TPP2: variants seen among roughly 807,000 people sequenced by gnomAD.
TPP2 encodes the protein tripeptidyl peptidase 2, also known as tripeptidyl-peptidase 2.
In TPP2, 34 loss-of-function variants were observed where a neutral mutation model predicts 155.9. The observed-to-expected ratio is 0.22, with a 90% CI of 0.17 to 0.29. The LOEUF (loss-of-function observed/expected upper bound fraction) is 0.29. Among genes scored for constraint, TPP2 ranks in the 10% least tolerant of loss-of-function variants. The pLI, the probability that TPP2 is intolerant of heterozygous loss-of-function variation, is 1.00. For synonymous variants in TPP2, 510 were observed against 529.4 expected, an observed-to-expected ratio of 0.96 and a Z score of 0.50; for missense variants, 1,028 against 1,522.3, an observed-to-expected ratio of 0.68 and a Z score of 5.40.
intron 24 of TPP2, chr13:102,654,958 A>G (rs753972226): frequency 8.0e-6 from 4 of 503,012 alleles, no homozygotes; most frequent in Admixed American, 2.0e-5. Context: ...GTCCTGAAAG[A>G]GCTAGCCCAA....
chr13:102,664,955 ATC>A, intron 27 of TPP2, 30 bp downstream of exon 27: 1 of 1,606,310 alleles, frequency 6.2e-7, no homozygotes, highest in Admixed American at 1.7e-5. Context: ...TCTTTCTTGC[ATC>A]TCATTTCCTA....
chr13:102,618,814 C>T lies in TPP2; in HGVS notation c.588C>T (p.Asp196=). 1.2e-6 allele frequency: 2 copies of T among 1,613,316 alleles called. No individual in the cohort carries two copies. The highest frequency in any genetic ancestry group is 8.5e-7 in the Non-Finnish European group (1 of 1,179,692). Residue 196 remains aspartate, a synonymous_variant, in exon 5 of 30, where the codon GAC becomes GAT. Coordinates refer to ENST00000376052, the MANE Select transcript of TPP2 (RefSeq NM_001330588.2). The stretch of plus-strand genomic sequence containing the variant: ...ACAGCGATCCTGGCCCTGTATATGA[C>T]TGCTTGGTATGGCATGATGGCGAAG... ...KKYSDPGPVY[D]CLVWHDGEVW...
chr13:102,614,172 T>C lies in TPP2; in HGVS notation c.366T>C (p.Pro122=). 6.2e-7 allele frequency: 1 copy of C among 1,613,248 alleles called. No individual in the cohort carries two copies. The highest frequency in any genetic ancestry group is 1.1e-5 in the South Asian group (1 of 90,968). The change falls in exon 3 of 30, where the codon CCT becomes CCC. Residue 122 remains proline (P), a synonymous_variant. Transcript: ENST00000376052. Reference sequence around the variant, plus strand: ...TAAAAAATGGCTATGACTTCTATCCTAAGGCACTCAAGGAAAGGATACAGG... The same window carrying C: ...TAAAAAATGGCTATGACTTCTATCCCAAGGCACTCAAGGAAAGGATACAGG... ...IGIKNGYDFY[P]KALKERIQKE...
chr13:102,625,666 A>T (rs1031455971), intron 6 of TPP2, among the ~76,000 whole-genome samples: 3 of 152,222 alleles, frequency 2.0e-5, no homozygotes, highest in African/African-American at 7.2e-5. Flanking sequence ...ATCTGGGGAA[A>T]GAAATAAGAA....
At chr13:102,641,175 T>A (rs16960294) in intron 16 of TPP2, among the ~76,000 whole-genome samples, 22,734 of 152,214 alleles carry the variant, frequency 0.15, 2,051 homozygotes, top group African/African-American at 0.25. Context: ...TCATTCTTTT[T>A]TACAAGAGCT....
Position 102,636,448 on chromosome 13 carries a change from G to A in TPP2, c.1678+56G>A, listed in dbSNP as rs951752379. 9 of 1,545,660 alleles carry A rather than the reference G, an allele frequency of 5.8e-6. No individual in the cohort carries two copies. The Admixed American group carries it at 1.6e-4, about 28-fold the overall frequency. ...ATTCACATTTGCTGTTTGAATGAGTGGTATCATAATAAAGAATTGCTGTTT... is the reference window on the plus strand; with the variant it reads ...ATTCACATTTGCTGTTTGAATGAGTAGTATCATAATAAAGAATTGCTGTTT... On this transcript the variant is annotated intron_variant, in intron 13 of 29. Coordinates refer to ENST00000376052, the MANE Select transcript of TPP2 (RefSeq NM_001330588.2).
chr13:102,637,294 T>TA (rs928760295), intron 14 of TPP2, 55 bp downstream of exon 14: 166 of 1,526,468 alleles, frequency 1.1e-4, no homozygotes, highest in Middle Eastern at 3.6e-4. Flanking sequence ...TTTAAAAGGT[T>TA]AAAAAAAAAT....
chr13:102,597,157 T>G lies in TPP2; in HGVS notation c.119T>G (p.Ile40Ser). The G allele has an allele frequency of 6.2e-7, 1 of 1,604,826 alleles. No homozygotes were observed. The highest frequency in any genetic ancestry group is 8.5e-7 in the Non-Finnish European group (1 of 1,176,652). Residue 40 changes from isoleucine to serine, a missense_variant, in exon 1 of 30, where the codon ATC (isoleucine) becomes AGC (serine). Ile to Ser is a moderately radical substitution (Grantham distance 142, BLOSUM62 -2). Around this residue, in one of 7 missense-constraint regions of TPP2, gnomAD observed 300 missense variants for 398.3 expected, o/e 0.75. Transcript: ENST00000376052. The stretch of plus-strand genomic sequence containing the variant: ...GAGTATGATGGGCGGGGGGTGCTCA[T>G]CGCAGTCCTGGACACGGGGGTCGAC... ...YPEYDGRGVL[I>S]AVLDTGVDPG...
chr13:102,676,757 G>T (rs1309002912), intron 29 of TPP2, among the ~76,000 whole-genome samples: 1 of 152,154 alleles, frequency 6.6e-6, no homozygotes, highest in African/African-American at 2.4e-5. Flanking sequence ...ACTCTAAAAT[G>T]GTTCAACTTC....
chr13:102,630,006 G>A (rs956246166), intron 9 of TPP2, 90 bp from the exon 10 acceptor site: 15 of 1,053,968 alleles, frequency 1.4e-5, no homozygotes, highest in African/African-American at 3.2e-5. Context: ...CTGGTGTTGA[G>A]AGATTAGGCA....
chr13:102,614,237 C>G, intron 3 of TPP2, 41 bp downstream of exon 3: 1 of 1,445,918 alleles, frequency 6.9e-7, no homozygotes, highest in South Asian at 1.3e-5. Context: ...ATTCTTCTGA[C>G]TTGTCTTCTT....
intron 27 of TPP2, among the ~76,000 whole-genome samples, chr13:102,668,097 G>A (rs773932755): frequency 6.6e-6 from 1 of 152,220 alleles, no homozygotes; most frequent in Non-Finnish European, 1.5e-5. Flanking sequence ...TTGGAGACAG[G>A]AGTAGTCAAA....
Position 102,618,841 on chromosome 13 carries a change from C to G in TPP2, c.615C>G (p.Val205=). The G allele has an allele frequency of 1.9e-6, 3 of 1,603,816 alleles. No individual in the cohort carries two copies. Among genetic ancestry groups the G allele is most frequent in the Non-Finnish European group, 2.5e-6 (3 of 1,176,714 alleles). The change falls in exon 5 of 30, where the codon GTC becomes GTG. Residue 205 remains valine (V), a synonymous_variant. Coordinates refer to ENST00000376052, the MANE Select transcript of TPP2 (RefSeq NM_001330588.2). ...YDCLVWHDGE[V]WRACIDSNED... The stretch of plus-strand genomic sequence containing the variant: ...GCTTGGTATGGCATGATGGCGAAGT[C>G]TGGAGGTAAACTTCGTGTATTTTAT...
Position 102,627,866 on chromosome 13 carries a change from C to T in TPP2, c.958C>T (p.His320Tyr). 2 of 1,613,192 alleles carry T rather than the reference C, an allele frequency of 1.2e-6. No homozygotes were observed. The highest frequency in any genetic ancestry group is 1.7e-4 in the Middle Eastern group (1 of 6,054). ...LIRAMIEVIN[H>Y]KCDLVNYSYG... ...TTAATAGATGATAGAAGTTATAAAT[C>T]ATAAGTGTGATCTTGTCAACTACAG... Residue 320 changes from histidine to tyrosine, a missense_variant, in exon 8 of 30, where the codon CAT becomes TAT. This residue lies in a region of TPP2 where 300 missense variants were observed against 398.3 expected (regional missense o/e 0.75). Coordinates refer to ENST00000376052, the MANE Select transcript of TPP2 (RefSeq NM_001330588.2).
chr13:102,676,191 T>G (rs1434133854), intron 28 of TPP2, 105 bp from the exon 29 acceptor site: 41 of 1,122,354 alleles, frequency 3.7e-5, no homozygotes, highest in African/African-American at 4.9e-5. Flanking sequence ...ACCATATTCA[T>G]TTCAAAAGCT....
At chr13:102,658,621 A>AT (rs762953233) in intron 25 of TPP2, among the ~76,000 whole-genome samples, 8 of 152,246 alleles carry the variant, frequency 5.3e-5, no homozygotes, top group Non-Finnish European at 8.8e-5. Flanking sequence ...AGAAGCATCT[A>AT]TTCAAAAATA....
intron 8 of TPP2, among the ~76,000 whole-genome samples, chr13:102,628,783 TC>T (rs1881821469): frequency 6.6e-6 from 1 of 152,150 alleles, no homozygotes; most frequent in African/African-American, 2.4e-5. Flanking sequence ...ATTTCATTCT[TC>T]CCTCTTCTCT....
intron 28 of TPP2, 148 bp from the exon 29 acceptor site, chr13:102,676,148 C>A: frequency 1.4e-6 from 1 of 697,056 alleles, no homozygotes; most frequent in Non-Finnish European, 2.1e-6. Flanking sequence ...CACCAATTTT[C>A]TTTTTCAAAG....
At chr13:102,658,587 G>A (rs1217239850) in intron 25 of TPP2, among the ~76,000 whole-genome samples, 4 of 152,190 alleles carry the variant, frequency 2.6e-5, no homozygotes, top group African/African-American at 9.6e-5. Flanking sequence ...TCTGGAAATG[G>A]TCCAAAGGAC....
Sources: allele counts gnomAD v4.1 joint callset (sites outside exome capture counted in the v4.1 genomes callset), GRCh38; gene constraint gnomAD v4.1.1; regional missense constraint gnomAD v4.1.1; transcripts MANE v1.5; gene names NCBI Gene and HGNC (gene_info 2026-07-23, HGNC 2026-07-21).